The following CCR5AS variants were observed in gnomAD, a reference collection of about 807,000 sequenced individuals.
CCR5AS encodes the protein CCR5 antisense RNA.
chr3:46,398,103 A>G (rs575043004), intron 1 of CCR5AS, among the ~76,000 whole-genome samples: 1 of 152,260 alleles, frequency 6.6e-6, no homozygotes, highest in East Asian at 1.9e-4. Flanking sequence ...ACACTTATCT[A>G]TTTTTGCCTA....
chr3:46,369,220 T>C (rs1229277104), intron 3 of CCR5AS, among the ~76,000 whole-genome samples: 1 of 152,136 alleles, frequency 6.6e-6, no homozygotes, highest in Non-Finnish European at 1.5e-5. Flanking sequence ...CACTCTACAG[T>C]TAAGAAAACT....
chr3:46,386,776 T>G (rs1343370593), intron 2 of CCR5AS, among the ~76,000 whole-genome samples: 1 of 152,230 alleles, frequency 6.6e-6, no homozygotes, highest in African/African-American at 2.4e-5. Context: ...ATAATGCTTT[T>G]GTAGCTATTT....
chr3:46,390,322 T>A (rs2106769972), intron 2 of CCR5AS, among the ~76,000 whole-genome samples: 1 of 152,212 alleles, frequency 6.6e-6, no homozygotes, highest in South Asian at 2.1e-4. Context: ...GGTTTGGCAC[T>A]ATAGGATGGA....
chr3:46,379,155 A>G lies in CCR5AS; in HGVS notation n.392-7738T>C, dbSNP rs560098458. On this transcript the variant is annotated intron_variant and non_coding_transcript_variant, in intron 2 of 3. Coordinates refer to ENST00000451485, the Ensembl canonical transcript of CCR5AS. The stretch of plus-strand genomic sequence containing the variant: ...CATCTAGCATTAGGTATATCTCCCA[A>G]TGCTATCCCTCCCCCCTCCCCCCAC... Among the ~76,000 whole-genome samples, 10 of 142,844 alleles carry G rather than the reference A, an allele frequency of 7.0e-5. No homozygotes were observed. In the South Asian group the frequency reaches 1.5e-3, roughly 21 times the overall value. The allele number at this position is 142,844 out of a possible 152,430, so 93.7% of individuals were successfully genotyped here.
intron 3 of CCR5AS, among the ~76,000 whole-genome samples, chr3:46,365,524 G>A (rs1701591277): frequency 6.6e-6 from 1 of 152,182 alleles, no homozygotes; most frequent in Admixed American, 6.5e-5. Flanking sequence ...TTATTTTTGA[G>A]ATATTTGCTT....
chr3:46,383,617 G>A (rs545098657), intron 2 of CCR5AS, among the ~76,000 whole-genome samples: 5 of 152,242 alleles, frequency 3.3e-5, no homozygotes, highest in Admixed American at 1.3e-4. Context: ...CTCCTACTGT[G>A]GAGGCCAGGG....
chr3:46,374,937 G>C (rs1243934892), intron 2 of CCR5AS: 2 of 167,610 alleles, frequency 1.2e-5, no homozygotes, highest in African/African-American at 4.8e-5. Context: ...TATTCGTGCA[G>C]CATATGAGGA....
chr3:46,393,650 G>A (rs757392784), intron 1 of CCR5AS, among the ~76,000 whole-genome samples: 8 of 152,114 alleles, frequency 5.3e-5, no homozygotes, highest in Non-Finnish European at 7.4e-5. Flanking sequence ...TTACAACAGC[G>A]CACAAATTCT....
At chr3:46,394,588 T>C (rs976298843) in intron 1 of CCR5AS, among the ~76,000 whole-genome samples, 2 of 152,026 alleles carry the variant, frequency 1.3e-5, no homozygotes, top group African/African-American at 2.4e-5. Flanking sequence ...AGAACATGTC[T>C]CACATCCCCC....
At position 46,372,830 on chromosome 3, in the gene CCR5AS, C is replaced by A. The variant is rs1247801818; in HGVS notation, n.392-1413G>T. On this transcript the variant is annotated intron_variant and non_coding_transcript_variant, in intron 2 of 3. Coordinates refer to ENST00000451485, the Ensembl canonical transcript of CCR5AS. ...ATTGATGTATAAAACAGTTTGCATT[C>A]ATGGAGGGCAACTAAATACATTCTA... 4 of 1,197,382 alleles carry A rather than the reference C, an allele frequency of 3.3e-6. No homozygotes were observed. The African/African-American group carries it at 6.1e-5, about 18-fold the overall frequency. The allele number at this position is 1,197,382 out of a possible 1,614,324, so 74.2% of individuals were successfully genotyped here. A position where few individuals can be genotyped will look rare whatever the true frequency, so the allele number is the denominator to read the frequency against.
chr3:46,366,673 A>C (rs530163388), intron 3 of CCR5AS, among the ~76,000 whole-genome samples: 120 of 152,334 alleles, frequency 7.9e-4, no homozygotes, highest in Middle Eastern at 3.4e-3. Flanking sequence ...GGATGGAGAC[A>C]ACAGCATGGT....
chr3:46,398,629 A>G (rs967465188), intron 1 of CCR5AS, among the ~76,000 whole-genome samples: 3 of 152,226 alleles, frequency 2.0e-5, no homozygotes, highest in African/African-American at 7.2e-5. Context: ...CTGGTCTATG[A>G]AAAGTCCTAG....
chr3:46,399,461 G>C (rs187652511), intron 1 of CCR5AS, among the ~76,000 whole-genome samples: 13 of 152,336 alleles, frequency 8.5e-5, no homozygotes, highest in Admixed American at 6.5e-4. Context: ...GCCTGGAAGA[G>C]GGGGAGAAGA....
At chr3:46,377,182 A>C (rs368478292) in intron 2 of CCR5AS, among the ~76,000 whole-genome samples, 6 of 152,266 alleles carry the variant, frequency 3.9e-5, no homozygotes, top group South Asian at 2.1e-4. Flanking sequence ...TTTCCATCTT[A>C]TTAAATGTCT....
chr3:46,393,481 G>GAAAAAAAAAAA (rs1701933422), intron 1 of CCR5AS, among the ~76,000 whole-genome samples: 3 of 119,210 alleles, frequency 2.5e-5, no homozygotes, highest in Admixed American at 7.8e-5. Flanking sequence ...GAAAAGAAAA[G>GAAAAAAAAAAA]AAAAGAAAAA....
chr3:46,373,230 A>T, intron 2 of CCR5AS: 1 of 1,614,034 alleles, frequency 6.2e-7, no homozygotes, highest in South Asian at 1.1e-5. Flanking sequence ...GCTCTATTTT[A>T]TAGGCTTCTT....
intron 2 of CCR5AS, among the ~76,000 whole-genome samples, chr3:46,391,688 C>T (rs1317093450): frequency 1.3e-5 from 2 of 152,020 alleles, no homozygotes; most frequent in Admixed American, 6.5e-5. Flanking sequence ...AATTGTTGGG[C>T]CGGTGGGGGA....
intron 3 of CCR5AS, among the ~76,000 whole-genome samples, chr3:46,366,401 C>G (rs1701597859): frequency 6.6e-6 from 1 of 152,210 alleles, no homozygotes; most frequent in South Asian, 2.1e-4. Flanking sequence ...GAACTGTTAG[C>G]TTAGACATCT....
intron 2 of CCR5AS, chr3:46,373,768 A>G: frequency 1.2e-6 from 2 of 1,613,692 alleles, no homozygotes. Flanking sequence ...GGGATGACGC[A>G]CTGCTGCATC....
Sources: gnomAD v4.1 joint callset for allele counts (sites outside exome capture counted in the v4.1 genomes callset) on GRCh38, gnomAD v4.1.1 for gene constraint, MANE v1.5 for transcripts, NCBI Gene and HGNC (gene_info 2026-07-23, HGNC 2026-07-21) for gene names.